The following SNTG1 variants were observed in gnomAD, a reference collection of about 807,000 sequenced individuals.
The protein encoded by SNTG1 is gamma-1-syntrophin.
Under a neutral mutation model 74.7 loss-of-function variants are expected in SNTG1, and 39 were observed. The ratio of observed to expected loss-of-function variants is 0.52; its 90% CI spans 0.40 to 0.68. The LOEUF (loss-of-function observed/expected upper bound fraction) is 0.68, where lower values mean the gene tolerates loss of function less well. SNTG1 is among the 30% of genes least tolerant of loss of function. SNTG1 has a pLI of 0.00. For synonymous variants in SNTG1, 254 were observed against 217.1 expected, an observed-to-expected ratio of 1.17 and a Z score of -1.49; for missense variants, 685 against 609.5, an observed-to-expected ratio of 1.12 and a Z score of -1.30.
intron 1 of SNTG1, among the ~76,000 whole-genome samples, chr8:50,044,528 G>T (rs578178809): frequency 4.6e-5 from 7 of 152,146 alleles, no homozygotes; most frequent in African/African-American, 1.7e-4. Context: ...GCATATGAGG[G>T]TCACCATTAC....
intron 17 of SNTG1, among the ~76,000 whole-genome samples, chr8:50,734,032 A>G (rs554787580): frequency 3.7e-4 from 56 of 151,826 alleles, no homozygotes; most frequent in African/African-American, 1.3e-3. Flanking sequence ...TTGAAATATG[A>G]GAGATTTGCT....
chr8:50,390,532 G>C (rs1420827859), intron 2 of SNTG1, among the ~76,000 whole-genome samples: 1 of 152,152 alleles, frequency 6.6e-6, no homozygotes, highest in Non-Finnish European at 1.5e-5. Flanking sequence ...TTTTGGCTTA[G>C]GATTGACTTG....
At chr8:50,071,603 C>T (rs925298765) in intron 1 of SNTG1, among the ~76,000 whole-genome samples, 3 of 151,904 alleles carry the variant, frequency 2.0e-5, no homozygotes, top group East Asian at 1.9e-4. Context: ...CTCGGCCTCA[C>T]GAGTAGCTGG....
chr8:50,236,278 A>G (rs1393269278), intron 2 of SNTG1, among the ~76,000 whole-genome samples: 1 of 152,180 alleles, frequency 6.6e-6, no homozygotes, highest in South Asian at 2.1e-4. Flanking sequence ...AAAATAGACT[A>G]TAACTGAACG....
intron 1 of SNTG1, among the ~76,000 whole-genome samples, chr8:50,116,045 G>A (rs906590548): frequency 6.6e-6 from 1 of 152,062 alleles, no homozygotes; most frequent in African/African-American, 2.4e-5. Context: ...TGTTTGTTAT[G>A]CTCAAGGCAC....
intron 11 of SNTG1, among the ~76,000 whole-genome samples, chr8:50,548,440 C>T (rs1488581648): frequency 6.6e-6 from 1 of 152,114 alleles, no homozygotes; most frequent in Non-Finnish European, 1.5e-5. Context: ...TCAAGTCTGA[C>T]AGTGGAGCTG....
chr8:50,606,902 G>C (rs2094816867), intron 13 of SNTG1, among the ~76,000 whole-genome samples: 1 of 151,582 alleles, frequency 6.6e-6, no homozygotes, highest in African/African-American at 2.4e-5. Context: ...ATGAAACCAA[G>C]TTTGAATTTT....
intron 16 of SNTG1, among the ~76,000 whole-genome samples, chr8:50,705,146 C>T (rs1013421683): frequency 6.6e-6 from 1 of 152,104 alleles, no homozygotes; most frequent in Non-Finnish European, 1.5e-5. Context: ...TTCCCTTTGC[C>T]TCCATCCTTC....
At chr8:50,483,647 A>G (rs2093758910) in intron 8 of SNTG1, among the ~76,000 whole-genome samples, 1 of 152,178 alleles carries the variant, frequency 6.6e-6, no homozygotes, top group Non-Finnish European at 1.5e-5. Flanking sequence ...CGGAAATGAC[A>G]GTATATGGCA....
At chr8:50,280,353 G>T (rs1027114084) in intron 2 of SNTG1, among the ~76,000 whole-genome samples, 1 of 152,198 alleles carries the variant, frequency 6.6e-6, no homozygotes, top group South Asian at 2.1e-4. Context: ...TGTGGGTTGG[G>T]CTTAAAACAT....
At position 50,079,263 on chromosome 8, in the gene SNTG1, A is replaced by G. The variant is rs563516410; in HGVS notation, c.-102-93298A>G. 7.9e-5 allele frequency among the ~76,000 whole-genome samples: 12 copies of G among 152,308 alleles called. No homozygotes were observed. The South Asian group carries it at 2.5e-3, about 32-fold the overall frequency. ...AACGATCGCCATTCTAACTGGTGTG[A>G]GACAGTATCTCATTGCGGTCTTGAT... On this transcript the variant is annotated intron_variant, in intron 1 of 18. Coordinates refer to ENST00000642720, the MANE Select transcript of SNTG1 (RefSeq NM_018967.5).
chr8:50,153,843 C>A (rs181376213), intron 1 of SNTG1, among the ~76,000 whole-genome samples: 1 of 152,148 alleles, frequency 6.6e-6, no homozygotes, highest in African/African-American at 2.4e-5. Context: ...TTAGGCTACT[C>A]GGGAGTCAGG....
intron 8 of SNTG1, among the ~76,000 whole-genome samples, chr8:50,488,130 G>A (rs2093815365): frequency 6.6e-6 from 1 of 152,182 alleles, no homozygotes; most frequent in South Asian, 2.1e-4. Context: ...GGGCTGCGAA[G>A]TGGTGCTGTG....
intron 1 of SNTG1, among the ~76,000 whole-genome samples, chr8:50,142,285 C>G (rs896249269): frequency 4.0e-5 from 6 of 151,818 alleles, no homozygotes; most frequent in African/African-American, 1.5e-4. Flanking sequence ...TACAGAAACC[C>G]AGACTACAGT....
intron 15 of SNTG1, among the ~76,000 whole-genome samples, chr8:50,697,473 G>C (rs1408225845): frequency 1.3e-5 from 2 of 152,152 alleles, no homozygotes; most frequent in Admixed American, 6.5e-5. Context: ...TTAAATAGGA[G>C]TGGTAAGAGT....
At chr8:50,449,763 T>C (rs766846089) in intron 6 of SNTG1, 38 bp downstream of exon 6, 4 of 1,491,890 alleles carry the variant, frequency 2.7e-6, no homozygotes, top group Non-Finnish European at 3.6e-6. Flanking sequence ...GCCATTTCTT[T>C]AAGGCATTGT....
chr8:49,922,533 A>T (rs1806643095), intron 1 of SNTG1, among the ~76,000 whole-genome samples: 1 of 152,144 alleles, frequency 6.6e-6, no homozygotes, highest in East Asian at 1.9e-4. Context: ...AGCCTTTGTG[A>T]AGCTAACCCA....
chr8:50,455,505 A>G (rs2093496887), intron 8 of SNTG1, among the ~76,000 whole-genome samples: 1 of 152,212 alleles, frequency 6.6e-6, no homozygotes, highest in Admixed American at 6.5e-5. Context: ...AGTAACTAAA[A>G]GTATGTAATT....
chr8:49,972,808 A>G (rs533790292), intron 1 of SNTG1, among the ~76,000 whole-genome samples: 3 of 152,342 alleles, frequency 2.0e-5, no homozygotes, highest in Admixed American at 2.0e-4. Context: ...TCAGAACCAC[A>G]ATGAGATATC....
Sources: allele counts gnomAD v4.1 joint callset (sites outside exome capture counted in the v4.1 genomes callset), GRCh38; gene constraint gnomAD v4.1.1; transcripts MANE v1.5; gene names NCBI Gene and HGNC (gene_info 2026-07-23, HGNC 2026-07-21).